Variants in PLEKHA8 observed in about 807,000 individuals in gnomAD.
PLEKHA8 encodes pleckstrin homology domain containing A8.
Under a neutral mutation model 68.2 loss-of-function variants are expected in PLEKHA8, and 36 were observed. That is an observed-to-expected ratio of 0.53 (90% confidence interval 0.40 to 0.70). The LOEUF (loss-of-function observed/expected upper bound fraction) is 0.70, where lower values mean the gene tolerates loss of function less well. Ranked by LOEUF, PLEKHA8 falls within the 30% of genes least tolerant of loss-of-function variation. PLEKHA8 has a pLI of 0.00. For synonymous variants in PLEKHA8, 211 were observed against 216.1 expected (o/e 0.98, Z 0.20); for missense variants, 505 against 615.4 (o/e 0.82, Z 1.90).
Position 30,028,452 on chromosome 7 carries a change from C to A in PLEKHA8, c.-311C>A, listed in dbSNP as rs1405913366. On this transcript the variant is annotated 5_prime_UTR_variant, in exon 1 of 14. Transcript: ENST00000449726. ...CGCCTGCGACCGGCAGCTCGTTCGCCGCACTTTGGAGGCTTCGGCTGCCCC... is the reference window on the plus strand; with the variant it reads ...CGCCTGCGACCGGCAGCTCGTTCGCAGCACTTTGGAGGCTTCGGCTGCCCC... 2 of 303,644 alleles carry A rather than the reference C, an allele frequency of 6.6e-6. No homozygotes were observed. Among genetic ancestry groups the A allele is most frequent in the African/African-American group, 2.2e-5 (1 of 45,862 alleles). 18.8% of individuals were successfully genotyped at this position (303,644 alleles called of 1,614,324 possible). A position where few individuals can be genotyped will look rare whatever the true frequency, so the allele number is the denominator to read the frequency against.
At chr7:30,122,185 C>A (rs1261678114) in intron 13 of PLEKHA8, among the ~76,000 whole-genome samples, 1 of 152,144 alleles carries the variant, frequency 6.6e-6, no homozygotes, top group Non-Finnish European at 1.5e-5. Flanking sequence ...AGAAAACTGG[C>A]CCATCTGGCT....
At chr7:30,092,483 T>A (rs556172640), downstream of PLEKHA8, among the ~76,000 whole-genome samples, 16 of 152,206 alleles carry the variant, frequency 1.1e-4, no homozygotes, top group South Asian at 2.5e-3. Context: ...ACCATTTCCT[T>A]GCCTGAGCCC....
At chr7:30,113,668 A>C (rs1434533416) in intron 13 of PLEKHA8, among the ~76,000 whole-genome samples, 1 of 151,976 alleles carries the variant, frequency 6.6e-6, no homozygotes, top group East Asian at 1.9e-4. Context: ...TATTCTCCCT[A>C]TTACTGTTTC....
chr7:30,112,801 T>C (rs1386563248), intron 13 of PLEKHA8, among the ~76,000 whole-genome samples: 10 of 151,788 alleles, frequency 6.6e-5, no homozygotes, highest in Admixed American at 5.9e-4. Flanking sequence ...TTTGGGAGGC[T>C]GAGGAGGGAG....
chr7:30,108,699 CTG>C (rs1228011808), intron 13 of PLEKHA8, among the ~76,000 whole-genome samples: 1 of 152,166 alleles, frequency 6.6e-6, no homozygotes, highest in Non-Finnish European at 1.5e-5. Flanking sequence ...AGAACTTACT[CTG>C]TGCAGTCTGG....
chr7:30,041,924 A>T (rs531958880), intron 1 of PLEKHA8, among the ~76,000 whole-genome samples: 1 of 152,112 alleles, frequency 6.6e-6, no homozygotes, highest in African/African-American at 2.4e-5. Context: ...GTGTCATGTA[A>T]AATAATGGTG....
intron 13 of PLEKHA8, among the ~76,000 whole-genome samples, chr7:30,099,667 C>T (rs975035292): frequency 1.3e-5 from 2 of 152,198 alleles, no homozygotes; most frequent in Non-Finnish European, 2.9e-5. Flanking sequence ...GTGGAATATA[C>T]ACCAAGTTAT....
intron 13 of PLEKHA8, among the ~76,000 whole-genome samples, chr7:30,110,578 A>T (rs528096726): frequency 4.6e-5 from 7 of 152,338 alleles, no homozygotes; most frequent in African/African-American, 1.4e-4. Context: ...AACTGTGTTT[A>T]ACATTTTGAG....
chr7:30,054,660 T>C (rs777090902), intron 7 of PLEKHA8, 49 bp from the exon 8 acceptor site: 51 of 1,167,542 alleles, frequency 4.4e-5, no homozygotes, highest in Non-Finnish European at 5.5e-5. Context: ...ATATGTATTT[T>C]TATAATAAAT....
chr7:30,059,670 T>A (rs1379077478), intron 9 of PLEKHA8, among the ~76,000 whole-genome samples: 1 of 151,920 alleles, frequency 6.6e-6, no homozygotes, highest in Admixed American at 6.6e-5. Flanking sequence ...TCAAGTATTT[T>A]TTTTTTTTTT....
At chr7:30,119,354 G>A (rs1270820043) in intron 13 of PLEKHA8, among the ~76,000 whole-genome samples, 2 of 152,112 alleles carry the variant, frequency 1.3e-5, no homozygotes, top group Non-Finnish European at 2.9e-5. Context: ...TGATGCATGC[G>A]GAGGTTAAAT....
chr7:30,055,125 A>G (rs546888669), intron 8 of PLEKHA8, 132 bp from the exon 9 acceptor site: 2 of 819,412 alleles, frequency 2.4e-6, no homozygotes, highest in African/African-American at 3.4e-5. Flanking sequence ...TTAGAAAAAC[A>G]GTTACTGGGG....
chr7:30,113,072 C>T (rs1484277191), intron 13 of PLEKHA8, among the ~76,000 whole-genome samples: 2 of 151,966 alleles, frequency 1.3e-5, no homozygotes, highest in Non-Finnish European at 2.9e-5. Context: ...TCCTTATGTC[C>T]CTCAAATTCA....
chr7:30,120,806 G>A (rs777425749), intron 13 of PLEKHA8, among the ~76,000 whole-genome samples: 1 of 152,214 alleles, frequency 6.6e-6, no homozygotes, highest in Non-Finnish European at 1.5e-5. Context: ...TTCAAACACC[G>A]TAAGTAGGTT....
intron 6 of PLEKHA8, 93 bp downstream of exon 6, chr7:30,050,567 G>GT (rs1315530364): frequency 3.6e-6 from 5 of 1,372,488 alleles, no homozygotes; most frequent in Non-Finnish European, 4.8e-6. Flanking sequence ...TCTTGTAATG[G>GT]TTTTTCTCAG....
chr7:30,042,204 C>T (rs1261121259), intron 1 of PLEKHA8, among the ~76,000 whole-genome samples: 5 of 152,124 alleles, frequency 3.3e-5, no homozygotes, highest in Admixed American at 2.6e-4. Flanking sequence ...GGAACTTAAC[C>T]GTGAGCTCTC....
Position 30,083,764 on chromosome 7 carries a change from T to G in PLEKHA8, c.*4977T>G, listed in dbSNP as rs1417447928. 1.0e-6 allele frequency: 1 copy of G among 985,068 alleles called. No individual in the cohort carries two copies. The highest frequency in any genetic ancestry group is 1.2e-6 in the Non-Finnish European group (1 of 829,694). The allele number at this position is 985,068 out of a possible 1,614,324, so 61.0% of individuals were successfully genotyped here. ...AAGCTATGTGAGAATGTAAGAATAA[T>G]ATCCTGCTTGTTCTAAATAGTTCAT... is the stretch of plus-strand genomic sequence containing the variant. On this transcript the variant is annotated 3_prime_UTR_variant, in exon 14 of 14. Transcript: ENST00000449726.
chr7:30,085,198 C>CA (rs1274731489), downstream of PLEKHA8, among the ~76,000 whole-genome samples: 1 of 152,176 alleles, frequency 6.6e-6, no homozygotes, highest in Admixed American at 6.5e-5. Context: ...CTCAGCCTCT[C>CA]AAAGTGTTGG....
chr7:30,093,776 G>A (rs535816609), downstream of PLEKHA8, among the ~76,000 whole-genome samples: 7 of 152,304 alleles, frequency 4.6e-5, no homozygotes, highest in African/African-American at 1.7e-4. Context: ...CCGCATGCAT[G>A]GGTACTCAGC....
Sources: allele counts gnomAD v4.1 joint callset (sites outside exome capture counted in the v4.1 genomes callset), GRCh38; gene constraint gnomAD v4.1.1; transcripts MANE v1.5; gene names NCBI Gene and HGNC (gene_info 2026-07-23, HGNC 2026-07-21).